Variants in CLCA2 observed in about 807,000 individuals in gnomAD.
CLCA2 encodes the protein chloride channel accessory 2.
CLCA2 carries 85 observed loss-of-function variants against 82.9 expected under a neutral mutation model. That is an observed-to-expected ratio of 1.03 (90% CI 0.86 to 1.23). The LOEUF is 1.23. CLCA2 is among the 50% of genes most tolerant of loss of function. The pLI, the probability that CLCA2 is intolerant of heterozygous loss-of-function variation, is 0.00. For missense variants in CLCA2, 1,089 were observed against 1,124.8 expected, an observed-to-expected ratio of 0.97 and a Z score of 0.45; for synonymous variants, 421 against 391.7, an observed-to-expected ratio of 1.07 and a Z score of -0.88.
At chr1:86,432,976 C>T (rs1159751703) in intron 5 of CLCA2, among the ~76,000 whole-genome samples, 1 of 152,184 alleles carries the variant, frequency 6.6e-6, no homozygotes, top group Non-Finnish European at 1.5e-5. Flanking sequence ...AGAAGTCAAC[C>T]AACTCTGCTT....
rs758933041 is a variant in CLCA2, at chr1:86,447,620, C to T, written c.1826C>T (p.Ala609Val). ...NSAVPPATVE[A>V]FVERDSLHFP... Reference sequence around the variant, plus strand: ...GCTGTGCCCCCAGCCACTGTGGAAGCCTTTGTGGAAAGAGACAGCCTCCAT... The same window carrying T: ...GCTGTGCCCCCAGCCACTGTGGAAGTCTTTGTGGAAAGAGACAGCCTCCAT... The change falls in exon 11 of 14, where the codon GCC (alanine) becomes GTC (valine). Residue 609 changes from alanine to valine, a missense_variant. Transcript: ENST00000370565. 6 of 1,614,102 alleles carry T rather than the reference C, an allele frequency of 3.7e-6. No individual in the cohort carries two copies. Among genetic ancestry groups the T allele is most frequent in the Non-Finnish European group, 5.1e-6 (6 of 1,180,024 alleles).
chr1:86,438,878 T>C lies in CLCA2; in HGVS notation c.975T>C (p.Ala325=). 2 of 1,613,916 alleles carry C rather than the reference T, an allele frequency of 1.2e-6. No individual in the cohort carries two copies. The highest frequency in any genetic ancestry group is 1.7e-6 in the Non-Finnish European group (2 of 1,179,820). The change falls in exon 7 of 14, where the codon GCT becomes GCC. Residue 325 remains alanine, a splice_region_variant and synonymous_variant. Transcript: ENST00000370565. The part of the protein sequence containing the change: ...VLDVSSKMAE[A]DRLLQLQQAA... ...CTTTTTTCCTTTTTGGGACATAGGCTGACAGACTCCTTCAACTACAACAAG... is the reference window on the plus strand; with the variant it reads ...CTTTTTTCCTTTTTGGGACATAGGCCGACAGACTCCTTCAACTACAACAAG...
At chr1:86,432,886 C>A (rs1662529557) in intron 5 of CLCA2, among the ~76,000 whole-genome samples, 1 of 152,176 alleles carries the variant, frequency 6.6e-6, no homozygotes, top group Non-Finnish European at 1.5e-5. Context: ...TAGCAGACCA[C>A]TCTGTATTTG....
chr1:86,437,808 GTGA>G (rs71730900), intron 6 of CLCA2, among the ~76,000 whole-genome samples: 15,754 of 151,974 alleles, frequency 0.1, 956 homozygotes, highest in African/African-American at 0.16. Flanking sequence ...AAGATTGGGA[GTGA>G]TGATCTGATG....
rs1663013514 is a variant in CLCA2 at position 86,453,451 on chromosome 1, A to G, written c.2238A>G (p.Ser746=). The change falls in exon 13 of 14, where the codon TCA becomes TCG. Residue 746 remains serine (S), a synonymous_variant. Coordinates refer to ENST00000370565, the MANE Select transcript of CLCA2 (RefSeq NM_006536.7). ...ERKWGFSRVS[S]GGSFSVLGVP... ...AGTGGGGCTTTAGCCGAGTCAGCTC[A>G]GGAGGCTCCTTTTCAGTGCTGGGAG... 1 of 1,614,058 alleles carries G rather than the reference A, an allele frequency of 6.2e-7. No homozygotes were observed. The highest frequency in any genetic ancestry group is 1.7e-5 in the Admixed American group (1 of 60,004).
intron 5 of CLCA2, 50 bp downstream of exon 5, chr1:86,432,578 C>T (rs760290739): frequency 1.3e-6 from 2 of 1,571,254 alleles, no homozygotes; most frequent in Admixed American, 1.9e-5. Flanking sequence ...CTTCTCTTCC[C>T]ATGTTTCAAG....
In CLCA2 at chr1:86,441,532, C is replaced by G; in HGVS notation, c.1477C>G (p.Gln493Glu). The G allele has an allele frequency of 6.2e-7, 1 of 1,605,784 alleles. No individual in the cohort carries two copies. Among genetic ancestry groups the G allele is most frequent in the Non-Finnish European group, 8.5e-7 (1 of 1,173,054 alleles). The change falls in exon 9 of 14, where the codon CAA becomes GAA. Residue 493 changes from glutamine to glutamate, a missense_variant. By Grantham distance (29) the Gln-to-Glu change is conservative (BLOSUM62 2). Coordinates refer to ENST00000370565, the MANE Select transcript of CLCA2 (RefSeq NM_006536.7). ...ISSGTGDIFQ[Q>E]HIQLESTGEN... ...CTCTGGAACTGGAGACATTTTCCAG[C>G]AACATATTCAGGTCAGAATTTTCTC...
chr1:86,434,350 A>G (rs1395266953), intron 5 of CLCA2, among the ~76,000 whole-genome samples, 168 bp from the exon 6 acceptor site: 3 of 152,216 alleles, frequency 2.0e-5, no homozygotes, highest in Admixed American at 2.0e-4. Flanking sequence ...GCCAAGGTTT[A>G]TTTGTAATTT....
At chr1:86,437,222 C>T (rs1174588087) in intron 6 of CLCA2, among the ~76,000 whole-genome samples, 1 of 152,142 alleles carries the variant, frequency 6.6e-6, no homozygotes, top group Non-Finnish European at 1.5e-5. Flanking sequence ...ACCATTATTG[C>T]CATTCATTAT....
chr1:86,455,018 A>G (rs1663045964), intron 13 of CLCA2, 67 bp from the exon 14 acceptor site: 2 of 962,522 alleles, frequency 2.1e-6, no homozygotes, highest in South Asian at 2.0e-5. Context: ...CTCATTAGTA[A>G]TTTCTAATAA....
At chr1:86,434,113 AG>A (rs1662553059) in intron 5 of CLCA2, among the ~76,000 whole-genome samples, 1 of 152,202 alleles carries the variant, frequency 6.6e-6, no homozygotes, top group Non-Finnish European at 1.5e-5. Context: ...ATAAAGGTGC[AG>A]TGGTCATTAA....
Position 86,434,692 on chromosome 1 carries a change from G to C in CLCA2, c.919G>C (p.Ala307Pro). The change falls in exon 6 of 14, where the codon GCT (alanine) becomes CCT (proline). Residue 307 changes from alanine (A) to proline (P), a missense_variant. Ala to Pro is a conservative substitution (Grantham distance 27, BLOSUM62 -1). Transcript: ENST00000370565. ...PPPPTFSLVQAGDKVVCLVLD... is the reference protein window; with the variant it reads ...PPPPTFSLVQPGDKVVCLVLD... ...TCCTCCCACATTCTCGCTTGTACAG[G>C]CTGGTGACAAAGTGGTCTGTTTAGT... 1 of 1,614,124 alleles carries C rather than the reference G, an allele frequency of 6.2e-7. No individual in the cohort carries two copies. Among genetic ancestry groups the C allele is most frequent in the South Asian group, 1.1e-5 (1 of 91,078 alleles).
rs535707632 is a variant in CLCA2 at position 86,429,233 on chromosome 1, ATAG to A, written c.475+668_475+670del. Among the ~76,000 whole-genome samples, 27 of 152,296 alleles carry A rather than the reference ATAG, an allele frequency of 1.8e-4. No individual in the cohort carries two copies. The South Asian group carries it at 5.6e-3, about 32-fold the overall frequency. On this transcript the variant is annotated intron_variant, in intron 3 of 13. Transcript: ENST00000370565. ...GGGTGGAGACAGTGAGATGGGAAGG[ATAG>A]TAATAAGGACACTGAGGATTTCCTA...
Position 86,455,107 on chromosome 1 carries a change from G to C in CLCA2, c.2412G>C (p.Met804Ile), listed in dbSNP as rs1438515557. The C allele has an allele frequency of 1.3e-6, 2 of 1,562,526 alleles. No homozygotes were observed. The highest frequency in any genetic ancestry group is 3.8e-5 in the Admixed American group (2 of 52,956). ...QGQATSYEIRMSKSLQNIQDD... is the reference protein window; with the variant it reads ...QGQATSYEIRISKSLQNIQDD... ...CAGCTACAAGCTATGAAATAAGAAT[G>C]AGTAAAAGTCTACAGAATATCCAAG... Residue 804 changes from methionine to isoleucine, a missense_variant, in exon 14 of 14, where the codon ATG becomes ATC. Met to Ile is a conservative substitution (Grantham distance 10, BLOSUM62 1). Transcript: ENST00000370565.
chr1:86,434,382 A>C (rs1409836788), intron 5 of CLCA2, 136 bp from the exon 6 acceptor site: 2 of 651,202 alleles, frequency 3.1e-6, no homozygotes, highest in African/African-American at 3.7e-5. Flanking sequence ...TGAAGGAAAG[A>C]GGTATATCAC....
intron 1 of CLCA2, 112 bp from the exon 2 acceptor site, chr1:86,425,227 G>A (rs1662363963): frequency 3.0e-6 from 2 of 666,010 alleles, no homozygotes; most frequent in Non-Finnish European, 4.5e-6. Flanking sequence ...TAAAAGAAAT[G>A]GGTCTCTTCA....
chr1:86,452,147 C>T (rs1662982985), intron 12 of CLCA2, among the ~76,000 whole-genome samples: 1 of 147,050 alleles, frequency 6.8e-6, no homozygotes, highest in African/African-American at 2.5e-5. Context: ...GCTTCTCCTC[C>T]CAGCTTGCTC....
intron 2 of CLCA2, 38 bp downstream of exon 2, chr1:86,425,514 A>G (rs1198781341): frequency 1.4e-6 from 2 of 1,443,416 alleles, no homozygotes; most frequent in Non-Finnish European, 1.8e-6. Context: ...TCTCAAGGGG[A>G]AAAAAAACAC....
chr1:86,432,339 C>G (rs765072550), intron 4 of CLCA2, 30 bp from the exon 5 acceptor site: 1 of 1,609,748 alleles, frequency 6.2e-7, no homozygotes, highest in South Asian at 1.1e-5. Flanking sequence ...TAAAATAGAC[C>G]TAATTCCCAG....
Sources: gnomAD v4.1 joint callset for allele counts (sites outside exome capture counted in the v4.1 genomes callset) on GRCh38, gnomAD v4.1.1 for gene constraint, MANE v1.5 for transcripts, NCBI Gene and HGNC (gene_info 2026-07-23, HGNC 2026-07-21) for gene names.